SLC37A1: variants seen among roughly 807,000 people sequenced by gnomAD.
SLC37A1 encodes solute carrier family 37 member 1.
In SLC37A1, 49 loss-of-function variants were observed where a neutral mutation model predicts 75.3. That is an observed-to-expected ratio of 0.65 (90% confidence interval 0.52 to 0.83). SLC37A1 has a LOEUF of 0.83. Among genes scored for constraint, SLC37A1 ranks in the 40% least tolerant of loss-of-function variants. The pLI is 0.00. For synonymous variants in SLC37A1, 268 were observed against 292.1 expected, an observed-to-expected ratio of 0.92 and a Z score of 0.84; for missense variants, 566 against 695.0, an observed-to-expected ratio of 0.81 and a Z score of 2.09.
chr21:42,553,174 CAGTT>C (rs2055598407), intron 9 of SLC37A1, among the ~76,000 whole-genome samples: 1 of 152,208 alleles, frequency 6.6e-6, no homozygotes, highest in African/African-American at 2.4e-5. Flanking sequence ...GCAGATCTCA[CAGTT>C]AGCGTGCAAG....
intron 15 of SLC37A1, among the ~76,000 whole-genome samples, 196 bp downstream of exon 15, chr21:42,566,071 T>C (rs1052150538): frequency 2.6e-5 from 4 of 152,242 alleles, no homozygotes; most frequent in African/African-American, 9.6e-5. Flanking sequence ...AGTGCGAGGC[T>C]TGCCATTCTG....
chr21:42,523,766 C>G (rs1272861928), intron 2 of SLC37A1, among the ~76,000 whole-genome samples: 1 of 152,214 alleles, frequency 6.6e-6, no homozygotes, highest in African/African-American at 2.4e-5. Context: ...TGGGGAATTT[C>G]TGTCTTCAGT....
intron 18 of SLC37A1, chr21:42,576,039 G>A: frequency 1.2e-6 from 1 of 809,962 alleles, no homozygotes; most frequent in Non-Finnish European, 1.5e-6. Context: ...TCATAAGAAA[G>A]TAAAGGAACT....
chr21:42,565,694 C>T (rs1243086579), intron 14 of SLC37A1, 133 bp from the exon 15 acceptor site: 2 of 771,592 alleles, frequency 2.6e-6, no homozygotes, highest in Non-Finnish European at 4.3e-6. Context: ...GGCCGTCACG[C>T]TTTTTTAGGG....
chr21:42,529,149 A>C (rs895995353), intron 3 of SLC37A1, among the ~76,000 whole-genome samples: 7 of 152,270 alleles, frequency 4.6e-5, no homozygotes, highest in Non-Finnish European at 8.8e-5. Context: ...GAGAATAGAC[A>C]AAAAAGTCAG....
rs540781610 is a variant in SLC37A1, at chr21:42,507,197, T to TA, written c.-179+4781dup. Reference sequence around the variant, plus strand: ...CACACCCAGCCCAATAAGTTGCTTTTATTATTGAGTTACATAAGTCTTTTT... The same window carrying TA: ...CACACCCAGCCCAATAAGTTGCTTTTAATTATTGAGTTACATAAGTCTTTTT... On this transcript the variant is annotated intron_variant, in intron 2 of 20. Transcript: ENST00000398341. Among the ~76,000 whole-genome samples the TA allele has an allele frequency of 1.1e-3, 174 of 152,382 alleles. 1 individual carries two copies. In the Middle Eastern group the frequency reaches 0.017, roughly 15 times the overall value.
rs543824164 is a variant in SLC37A1 at position 42,576,763 on chromosome 21, C to G, written c.1521+1848C>G. On this transcript the variant is annotated intron_variant, in intron 18 of 19. Coordinates refer to ENST00000352133, the MANE Select transcript of SLC37A1 (RefSeq NM_001320537.2). ...ATGTGATCTTTAGCCTGGAAAAAGA[C>G]TCAATGGATGGGTTAGAAAAGCAAA... Among the ~76,000 whole-genome samples, 19 of 152,164 alleles carry G rather than the reference C, an allele frequency of 1.2e-4. 1 individual carries two copies. The East Asian group carries it at 3.3e-3, about 26-fold the overall frequency.
intron 3 of SLC37A1, 157 bp downstream of exon 3, chr21:42,526,014 C>T: frequency 1.8e-6 from 1 of 554,302 alleles, no homozygotes; most frequent in South Asian, 2.8e-5. Flanking sequence ...TTTCCCTTTG[C>T]TAAAATTAAA....
intron 18 of SLC37A1, chr21:42,575,685 G>C: frequency 1.2e-5 from 12 of 985,418 alleles, no homozygotes; most frequent in Non-Finnish European, 1.4e-5. Flanking sequence ...AAAACCTTAG[G>C]CTGATCCCAA....
intron 3 of SLC37A1, among the ~76,000 whole-genome samples, chr21:42,530,654 A>ACCCC (rs1555882111): frequency 0.01 from 375 of 35,878 alleles, 19 homozygotes; most frequent in Admixed American, 0.014. Flanking sequence ...ACACACACAC[A>ACCCC]CCCCCTCTGT....
At chr21:42,541,292 C>T (rs1054912547) in intron 6 of SLC37A1, among the ~76,000 whole-genome samples, 15 of 152,190 alleles carry the variant, frequency 9.9e-5, no homozygotes, top group African/African-American at 3.1e-4. Context: ...TAATAGGCCA[C>T]GGATCAGGAC....
chr21:42,563,690 C>A, intron 12 of SLC37A1, 125 bp from the exon 13 acceptor site: 2 of 769,244 alleles, frequency 2.6e-6, no homozygotes, highest in Non-Finnish European at 2.2e-6. Context: ...CTACTAATTG[C>A]TCCTCGGTAT....
At chr21:42,501,424 ACCAGGGCCGGGAGCGGTGGCTCACG>A (rs1359929432) in intron 1 of SLC37A1, among the ~76,000 whole-genome samples, 2 of 152,306 alleles carry the variant, frequency 1.3e-5, no homozygotes, top group East Asian at 3.9e-4. Flanking sequence ...AAAAAAATTT[ACCAGGGCCGGGAGCGGTGGCTCACG>A]CCTGTAATCC....
At chr21:42,556,053 T>C (rs1421918611) in intron 10 of SLC37A1, among the ~76,000 whole-genome samples, 1 of 152,208 alleles carries the variant, frequency 6.6e-6, no homozygotes, top group Non-Finnish European at 1.5e-5. Context: ...ACAGAGCTGC[T>C]ACACTATGTC....
At chr21:42,533,407 GGAGCGACA>G (rs2055047343) in intron 3 of SLC37A1, among the ~76,000 whole-genome samples, 1 of 152,202 alleles carries the variant, frequency 6.6e-6, no homozygotes, top group African/African-American at 2.4e-5. Context: ...GAGAAGCATG[GGAGCGACA>G]GAGGCCACCA....
chr21:42,534,783 C>T lies in SLC37A1; in HGVS notation c.224C>T (p.Pro75Leu), dbSNP rs533977939. The T allele has an allele frequency of 7.0e-5, 113 of 1,614,030 alleles. 1 individual carries two copies. In the South Asian group the frequency reaches 1.1e-3, roughly 16 times the overall value. The change falls in exon 4 of 20, where the codon CCC becomes CTC. Residue 75 changes from proline to leucine, a missense_variant. Transcript: ENST00000352133. The part of the protein sequence containing the change: ...SQNRKSGSAA[P>L]HQLPDNETDC... ...AACAGGAAGTCTGGGTCCGCTGCCC[C>T]CCACCAGCTCCCTGACAATGAGACC...
intron 8 of SLC37A1, among the ~76,000 whole-genome samples, chr21:42,543,863 G>A (rs116353293): frequency 0.017 from 2,514 of 152,270 alleles, 66 homozygotes; most frequent in African/African-American, 0.057. Context: ...CCCTTGCCCC[G>A]GCATCAGGAG....
At position 42,568,999 on chromosome 21, in the gene SLC37A1, C is replaced by T. The variant is rs754355482; in HGVS notation, c.1423+561C>T. Among the ~76,000 whole-genome samples the T allele has an allele frequency of 7.2e-5, 11 of 152,324 alleles. No individual in the cohort carries two copies. The East Asian group carries it at 9.6e-4, about 13-fold the overall frequency. On this transcript the variant is annotated intron_variant, in intron 17 of 19. Transcript: ENST00000352133. ...TCCCTGAGCCCTTGTATGGGGAGCA[C>T]GCACAGTGGCTGCACCTGCCAGGCG...
Position 42,539,564 on chromosome 21 carries a change from C to T in SLC37A1, c.403C>T (p.Leu135Phe), listed in dbSNP as rs770907226. ...PIRYYLTFGM[L>F]ASGAFTALFG... The stretch of plus-strand genomic sequence containing the variant: ...TAGGTATTACCTAACTTTCGGGATG[C>T]TCGCCAGCGGAGCCTTCACCGCCCT... The change falls in exon 6 of 20, where the codon CTC becomes TTC. Residue 135 changes from leucine to phenylalanine, a missense_variant. Coordinates refer to ENST00000352133, the MANE Select transcript of SLC37A1 (RefSeq NM_001320537.2). The T allele has an allele frequency of 7.4e-5, 120 of 1,613,844 alleles. 9 individuals are homozygous for T. The Admixed American group carries it at 2.0e-3, about 26-fold the overall frequency.
Sources: allele counts gnomAD v4.1 joint callset (sites outside exome capture counted in the v4.1 genomes callset), GRCh38; gene constraint gnomAD v4.1.1; transcripts MANE v1.5; gene names NCBI Gene and HGNC (gene_info 2026-07-23, HGNC 2026-07-21).